Variants in LRBA observed in about 807,000 individuals in gnomAD.
LRBA encodes LPS responsive beige-like anchor protein.
Under a neutral mutation model 330.0 loss-of-function variants are expected in LRBA, and 176 were observed. The observed-to-expected ratio is 0.53, with a 90% CI of 0.47 to 0.60. The LOEUF is 0.60. Ranked by LOEUF, LRBA falls within the 20% of genes least tolerant of loss-of-function variation. The probability of loss-of-function intolerance (pLI) is 0.00; values close to 1 mark genes in which losing one functional copy is unlikely to be tolerated. For synonymous variants in LRBA, 1,230 were observed against 1,193.0 expected (o/e 1.03, Z -0.64); for missense variants, 3,259 against 3,444.8 (o/e 0.95, Z 1.35).
At chr4:150,345,445 A>G (rs1335258432) in intron 48 of LRBA, among the ~76,000 whole-genome samples, 1 of 152,200 alleles carries the variant, frequency 6.6e-6, no homozygotes, top group African/African-American at 2.4e-5. Flanking sequence ...TCTTTCTATG[A>G]TCTAATCAGT....
At chr4:150,830,757 C>CTT (rs57178610) in intron 29 of LRBA, among the ~76,000 whole-genome samples, 10 of 81,976 alleles carry the variant, frequency 1.2e-4, no homozygotes, top group South Asian at 4.1e-4. Flanking sequence ...TACAGAGTTA[C>CTT]TTTTTTTTTT....
At chr4:150,882,740 A>G (rs1042691155) in intron 17 of LRBA, among the ~76,000 whole-genome samples, 14 of 152,234 alleles carry the variant, frequency 9.2e-5, no homozygotes, top group African/African-American at 3.4e-4. Flanking sequence ...TAAAAATATG[A>G]TAACAGATCA....
intron 37 of LRBA, among the ~76,000 whole-genome samples, chr4:150,650,586 C>G (rs1221178783): frequency 6.6e-6 from 1 of 152,028 alleles, no homozygotes; most frequent in Non-Finnish European, 1.5e-5. Context: ...CAAAAGGATA[C>G]AACAAAATGT....
intron 35 of LRBA, among the ~76,000 whole-genome samples, chr4:150,736,178 G>A (rs944363802): frequency 1.3e-5 from 2 of 151,978 alleles, no homozygotes; most frequent in African/African-American, 4.8e-5. Context: ...TAATACAATC[G>A]GCCATTAGTC....
chr4:150,977,434 A>G (rs973973418), intron 2 of LRBA, among the ~76,000 whole-genome samples: 19 of 152,128 alleles, frequency 1.2e-4, no homozygotes, highest in African/African-American at 3.6e-4. Context: ...GAATGACCCA[A>G]TCCTGGCAGG....
chr4:150,423,992 G>T lies in LRBA; in HGVS notation c.7042-8402C>A, dbSNP rs4561911. The stretch of plus-strand genomic sequence containing the variant: ...TGGCCAGAGAAAGCTTTAGGGAAAA[G>T]ATTGTAATACATTGTATTTCGCTAA... On this transcript the variant is annotated intron_variant, in intron 46 of 56. Coordinates refer to ENST00000651943, the MANE Select transcript of LRBA (RefSeq NM_001364905.1). Among the ~76,000 whole-genome samples the T allele has an allele frequency of 4.7e-3, 723 of 152,302 alleles. 10 individuals are homozygous for T. The highest frequency in any genetic ancestry group is 0.028 in the Admixed American group (424 of 15,298).
intron 2 of LRBA, among the ~76,000 whole-genome samples, chr4:150,968,939 A>T (rs1251284210): frequency 6.6e-6 from 1 of 152,196 alleles, no homozygotes; most frequent in Non-Finnish European, 1.5e-5. Context: ...TGAAAATCGT[A>T]AGATCCTTCA....
chr4:150,590,697 C>T lies in LRBA; in HGVS notation c.6193+16G>A. The stretch of plus-strand genomic sequence containing the variant: ...CCCAGAGGTAGCTGAAATATCTGCA[C>T]AACCACCAAATTTACCGGCAAGATT... On this transcript the variant is annotated intron_variant, in intron 39 of 56. Coordinates refer to ENST00000651943, the MANE Select transcript of LRBA (RefSeq NM_001364905.1). 1 of 1,611,596 alleles carries T rather than the reference C, an allele frequency of 6.2e-7. No homozygotes were observed.
intron 37 of LRBA, among the ~76,000 whole-genome samples, chr4:150,606,471 T>C (rs1191958897): frequency 6.6e-6 from 1 of 151,926 alleles, no homozygotes; most frequent in Non-Finnish European, 1.5e-5. Flanking sequence ...TACATACAAA[T>C]GAATGATGCT....
rs1437201198 is a variant in LRBA, at chr4:150,921,256, T to C, written c.587A>G (p.His196Arg). The change falls in exon 5 of 57, where the codon CAT (histidine) becomes CGT (arginine). Residue 196 changes from histidine (H) to arginine (R), a missense_variant. By Grantham distance (29) the His-to-Arg change is conservative (BLOSUM62 0). Transcript: ENST00000651943. ...ATCAGGACCATACTTCTGAGGCATA[T>C]GCTTTAACACAGACAGCAACTTCCC... The part of the protein sequence containing the change: ...HAGKLLSVLK[H>R]MPQKYGPDAF... The C allele has an allele frequency of 1.2e-6, 2 of 1,613,466 alleles. No homozygotes were observed. Among genetic ancestry groups the C allele is most frequent in the Admixed American group, 3.3e-5 (2 of 60,018 alleles).
intron 34 of LRBA, among the ~76,000 whole-genome samples, chr4:150,774,723 C>T (rs1737035240): frequency 6.6e-6 from 1 of 152,120 alleles, no homozygotes; most frequent in Non-Finnish European, 1.5e-5. Context: ...TAACCTTGTA[C>T]TGGTCATGAG....
In LRBA at chr4:150,868,321, T is replaced by A; in HGVS notation, c.2450-16A>T. The A allele has an allele frequency of 5.1e-6, 8 of 1,557,616 alleles. No individual in the cohort carries two copies. Among genetic ancestry groups the A allele is most frequent in the Non-Finnish European group, 6.9e-6 (8 of 1,151,170 alleles). ...TTTAGTATCTCTGTAAGACAGTTTA[T>A]AAATAAGTAAAAACCAAACTCAACA... On this transcript the variant is annotated splice_polypyrimidine_tract_variant and intron_variant, in intron 20 of 56. Coordinates refer to ENST00000651943, the MANE Select transcript of LRBA (RefSeq NM_001364905.1).
intron 4 of LRBA, among the ~76,000 whole-genome samples, chr4:150,922,272 C>G (rs1304182658): frequency 6.6e-6 from 1 of 152,004 alleles, no homozygotes; most frequent in Non-Finnish European, 1.5e-5. Flanking sequence ...CTATATTCCA[C>G]TGTTAAAGGT....
intron 38 of LRBA, among the ~76,000 whole-genome samples, chr4:150,592,064 T>G (rs1371793139): frequency 1.3e-5 from 2 of 151,186 alleles, no homozygotes; most frequent in Non-Finnish European, 2.9e-5. Context: ...CCCTCCTGGC[T>G]TCCAGCTAGA....
chr4:150,571,652 T>TG (rs1423517915), intron 40 of LRBA, among the ~76,000 whole-genome samples: 4 of 119,504 alleles, frequency 3.3e-5, no homozygotes, highest in Non-Finnish European at 4.9e-5. Context: ...GTTAGTTGTT[T>TG]TTTTTTTTTT....
chr4:150,945,866 C>T (rs1047157998), intron 2 of LRBA, among the ~76,000 whole-genome samples: 28 of 151,672 alleles, frequency 1.8e-4, no homozygotes, highest in African/African-American at 6.8e-4. Context: ...GTGGCACAAT[C>T]TCAGCTCACT....
At chr4:150,637,249 C>A (rs1414686133) in intron 37 of LRBA, among the ~76,000 whole-genome samples, 2 of 152,046 alleles carry the variant, frequency 1.3e-5, no homozygotes, top group South Asian at 2.1e-4. Context: ...CCACAAAAAA[C>A]TGGGGTTTAT....
intron 36 of LRBA, among the ~76,000 whole-genome samples, chr4:150,699,745 G>A (rs549793044): frequency 9.9e-5 from 15 of 152,242 alleles, no homozygotes; most frequent in Admixed American, 9.2e-4. Context: ...ACTTCACATG[G>A]TTTAGTGAAT....
intron 36 of LRBA, among the ~76,000 whole-genome samples, chr4:150,704,344 T>C (rs990354358): frequency 6.6e-6 from 1 of 151,990 alleles, no homozygotes; most frequent in Non-Finnish European, 1.5e-5. Flanking sequence ...GCAAAGATAC[T>C]GGAGAAGGTT....
Sources: gnomAD v4.1 joint callset for allele counts (sites outside exome capture counted in the v4.1 genomes callset) on GRCh38, gnomAD v4.1.1 for gene constraint, MANE v1.5 for transcripts, NCBI Gene and HGNC (gene_info 2026-07-23, HGNC 2026-07-21) for gene names.